Variants in TCAF1 observed in about 807,000 individuals in gnomAD.
The protein encoded by TCAF1 is TRPM8 channel associated factor 1.
TCAF1 carries 4 observed loss-of-function variants against 27.3 expected under a neutral mutation model. The observed-to-expected ratio is 0.15, with a 90% CI of 0.07 to 0.34. The LOEUF is 0.34. TCAF1 is among the 10% of genes least tolerant of loss of function. The pLI is 1.00. For synonymous variants in TCAF1, 105 were observed against 167.1 expected, an observed-to-expected ratio of 0.63 and a Z score of 2.87; for missense variants, 257 against 425.8, an observed-to-expected ratio of 0.60 and a Z score of 3.49.
At chr7:143,882,344 T>TACCCGCG (rs1813094369) in intron 1 of TCAF1, 2 of 968,718 alleles carry the variant, frequency 2.1e-6, no homozygotes, top group Non-Finnish European at 2.5e-6. Flanking sequence ...TGTCACCAGC[T>TACCCGCG]ACCCGCGACC....
At chr7:143,877,418 A>C (rs1476624220) in intron 1 of TCAF1, among the ~76,000 whole-genome samples, 1 of 152,218 alleles carries the variant, frequency 6.6e-6, no homozygotes, top group Non-Finnish European at 1.5e-5. Flanking sequence ...CTGGGCTTTC[A>C]GAAAAGGTTC....
Position 143,851,617 on chromosome 7 carries a change from T to C in TCAF1, c.*2516A>G, listed in dbSNP as rs554241123. On this transcript the variant is annotated 3_prime_UTR_variant, in exon 9 of 9. Coordinates refer to ENST00000479870, the MANE Select transcript of TCAF1 (RefSeq NM_014719.3). ...TTCTTGACTTACTGACTTTACAACA[T>C]CTTTAATAATTCCCCATTACAAAAG... The C allele has an allele frequency of 6.6e-6, 1 of 152,384 alleles. No homozygotes were observed. Among genetic ancestry groups the C allele is most frequent in the East Asian group, 1.9e-4 (1 of 5,192 alleles). The allele number at this position is 152,384 out of a possible 1,614,324, so 9.4% of individuals were successfully genotyped here.
At chr7:143,891,616 GA>G (rs1175247322) in intron 1 of TCAF1, among the ~76,000 whole-genome samples, 1 of 152,052 alleles carries the variant, frequency 6.6e-6, no homozygotes, top group Non-Finnish European at 1.5e-5. Context: ...GAGATCAAAA[GA>G]TACAGAAAGA....
chr7:143,894,799 G>A (rs190319094), intron 1 of TCAF1, among the ~76,000 whole-genome samples: 4 of 151,670 alleles, frequency 2.6e-5, no homozygotes, highest in South Asian at 4.2e-4. Context: ...GATTGGAAGA[G>A]GATATTTGCA....
intron 1 of TCAF1, among the ~76,000 whole-genome samples, chr7:143,879,610 A>AGG (rs1812907617): frequency 1.3e-5 from 2 of 152,242 alleles, no homozygotes; most frequent in Non-Finnish European, 2.9e-5. Context: ...TCAAAGATAT[A>AGG]CGTACAGGAT....
chr7:143,897,110 A>T (rs1813900246), intron 1 of TCAF1, among the ~76,000 whole-genome samples: 2 of 136,206 alleles, frequency 1.5e-5, no homozygotes, highest in South Asian at 4.7e-4. Context: ...TTTTATAAAC[A>T]GTTTTATTTT....
intron 1 of TCAF1, among the ~76,000 whole-genome samples, chr7:143,884,487 G>T (rs1002187222): frequency 1.3e-5 from 2 of 152,166 alleles, no homozygotes; most frequent in African/African-American, 4.8e-5. Flanking sequence ...GCTAAATGAA[G>T]CGGGCTAGTG....
At chr7:143,859,907 TATATTACGG>T (rs1177444906) in intron 6 of TCAF1, among the ~76,000 whole-genome samples, 4 of 55,866 alleles carry the variant, frequency 7.2e-5, no homozygotes, top group South Asian at 1.3e-3. Flanking sequence ...TTATATAATA[TATATTACGG>T]AATATATATT....
In TCAF1 at chr7:143,859,878, T is replaced by TATACAC. The variant is rs1405715950; in HGVS notation, c.2167+329_2167+330insGTGTAT. Among the ~76,000 whole-genome samples, 23 of 32,706 alleles carry TATACAC rather than the reference T, an allele frequency of 7.0e-4. 2 individuals are homozygous for TATACAC. The highest frequency in any genetic ancestry group is 1.9e-3 in the African/African-American group (23 of 11,950). The allele number at this position is 32,706 out of a possible 152,430, so 21.5% of individuals were successfully genotyped here. A position where few individuals can be genotyped will look rare whatever the true frequency, so the allele number is the denominator to read the frequency against. ...TGTTTTATATACACATATACATATA[T>TATACAC]ACATATATATAATATATATTATATA... On this transcript the variant is annotated intron_variant, in intron 6 of 8. Coordinates refer to ENST00000479870, the MANE Select transcript of TCAF1 (RefSeq NM_014719.3).
intron 1 of TCAF1, among the ~76,000 whole-genome samples, chr7:143,883,577 C>T (rs1474820005): frequency 7.1e-6 from 1 of 141,828 alleles, no homozygotes; most frequent in African/African-American, 2.7e-5. Context: ...GCGATCTCGG[C>T]TCACTGCAAC....
intron 1 of TCAF1, among the ~76,000 whole-genome samples, chr7:143,898,914 A>G (rs577871299): frequency 6.6e-6 from 1 of 152,288 alleles, no homozygotes; most frequent in African/African-American, 2.4e-5. Context: ...GTTCATTATA[A>G]AAGGCGGCAT....
chr7:143,892,707 T>C (rs1416997568), intron 1 of TCAF1, among the ~76,000 whole-genome samples: 1 of 152,070 alleles, frequency 6.6e-6, no homozygotes, highest in Non-Finnish European at 1.5e-5. Flanking sequence ...CCCAATGGAA[T>C]GGTATTAGGA....
intron 1 of TCAF1, among the ~76,000 whole-genome samples, chr7:143,893,478 T>C (rs774858614): frequency 4.6e-5 from 7 of 152,094 alleles, no homozygotes; most frequent in Non-Finnish European, 1.0e-4. Context: ...TGATTTTTAG[T>C]GCGTGTCAAA....
rs547041635 is a variant in TCAF1 at position 143,901,219 on chromosome 7, T to C, written c.-15+742A>G. On this transcript the variant is annotated intron_variant, in intron 1 of 8. Coordinates refer to ENST00000479870, the MANE Select transcript of TCAF1 (RefSeq NM_014719.3). Reference sequence around the variant, plus strand: ...GTATTGAAACCAATTCATCAACAAATCACTAGTTTGGAGGATGAAAGTGAT... The same window carrying C: ...GTATTGAAACCAATTCATCAACAAACCACTAGTTTGGAGGATGAAAGTGAT... Among the ~76,000 whole-genome samples the C allele has an allele frequency of 2.6e-5, 4 of 152,324 alleles. No individual in the cohort carries two copies. The South Asian group carries it at 8.3e-4, about 32-fold the overall frequency.
chr7:143,882,513 C>G lies in TCAF1; in HGVS notation c.-14-5891G>C, dbSNP rs1056543027. The stretch of plus-strand genomic sequence containing the variant: ...AGCAATGCGGCAGGGGGATGCGGGA[C>G]CCAAGCGCAGAGGAAAATCACCAGC... On this transcript the variant is annotated intron_variant, in intron 1 of 8. Coordinates refer to ENST00000479870, the MANE Select transcript of TCAF1 (RefSeq NM_014719.3). The G allele has an allele frequency of 4.1e-6, 4 of 985,188 alleles. No individual in the cohort carries two copies. The African/African-American group carries it at 5.2e-5, about 13-fold the overall frequency. The allele number at this position is 985,188 out of a possible 1,614,324, so 61.0% of individuals were successfully genotyped here. A position where few individuals can be genotyped will look rare whatever the true frequency, so the allele number is the denominator to read the frequency against.
intron 1 of TCAF1, among the ~76,000 whole-genome samples, chr7:143,887,306 C>A (rs893332876): frequency 2.6e-5 from 4 of 152,056 alleles, no homozygotes; most frequent in African/African-American, 9.7e-5. Flanking sequence ...TCAATTCATA[C>A]CTTGAGAAAT....
chr7:143,897,553 G>C lies in TCAF1; in HGVS notation c.-15+4408C>G, dbSNP rs562327395. Among the ~76,000 whole-genome samples the C allele has an allele frequency of 2.0e-5, 3 of 152,020 alleles. No individual in the cohort carries two copies. In the South Asian group the frequency reaches 6.2e-4, roughly 32 times the overall value. On this transcript the variant is annotated intron_variant, in intron 1 of 8. Coordinates refer to ENST00000479870, the MANE Select transcript of TCAF1 (RefSeq NM_014719.3). The stretch of plus-strand genomic sequence containing the variant: ...TTATATACAAATTTTCAATTCTGAG[G>C]GGGGTCAGTATCCCGACTGCTCCAT...
intron 1 of TCAF1, among the ~76,000 whole-genome samples, chr7:143,885,942 T>C (rs945176194): frequency 1.3e-5 from 2 of 152,206 alleles, no homozygotes; most frequent in African/African-American, 4.8e-5. Context: ...ACTAAAAAAC[T>C]ACATAAAATA....
chr7:143,900,776 A>C (rs1190314033), intron 1 of TCAF1, among the ~76,000 whole-genome samples: 1 of 152,236 alleles, frequency 6.6e-6, no homozygotes, highest in African/African-American at 2.4e-5. Context: ...TCCAATGTCC[A>C]TCAGCAGTAG....
Sources: gnomAD v4.1 joint callset for allele counts (sites outside exome capture counted in the v4.1 genomes callset) on GRCh38, gnomAD v4.1.1 for gene constraint, MANE v1.5 for transcripts, NCBI Gene and HGNC (gene_info 2026-07-23, HGNC 2026-07-21) for gene names.